The following ENO4 variants were observed in gnomAD, a reference collection of about 807,000 sequenced individuals.
ENO4 encodes enolase 4, also known as 2-phospho-D-glycerate hydro-lyase.
Under a neutral mutation model 63.2 loss-of-function variants are expected in ENO4, and 53 were observed. The observed-to-expected ratio is 0.84, with a 90% CI of 0.67 to 1.05. The LOEUF (loss-of-function observed/expected upper bound fraction) is 1.05, where lower values mean the gene tolerates loss of function less well. Ranked by LOEUF, ENO4 falls within the 50% of genes least tolerant of loss-of-function variation. The pLI, the probability that ENO4 is intolerant of heterozygous loss-of-function variation, is 0.00. For synonymous variants in ENO4, 266 were observed against 283.8 expected (o/e 0.94, Z 0.63); for missense variants, 719 against 772.0 (o/e 0.93, Z 0.81).
At chr10:116,886,684 C>CAT (rs1168585079), downstream of ENO4, 6 of 1,349,896 alleles carry the variant, frequency 4.4e-6, no homozygotes, top group African/African-American at 8.7e-5. Context: ...AATCAACATG[C>CAT]ATATAGTAGT....
At chr10:116,899,530 T>A (rs1302149426) in intron 10 of ENO4, among the ~76,000 whole-genome samples, 3 of 87,036 alleles carry the variant, frequency 3.4e-5, no homozygotes, top group Admixed American at 2.4e-4. Context: ...TGTGTGTGTG[T>A]GTGTGTGTGT....
At chr10:116,876,856 C>A (rs1454388321) in intron 11 of ENO4, among the ~76,000 whole-genome samples, 2 of 152,062 alleles carry the variant, frequency 1.3e-5, no homozygotes, top group Non-Finnish European at 2.9e-5. Context: ...GAGGCTGAGG[C>A]AGGAGAATGG....
chr10:116,862,748 T>G (rs561643090), intron 6 of ENO4, 51 bp from the exon 7 acceptor site: 75 of 1,419,946 alleles, frequency 5.3e-5, no homozygotes, highest in Non-Finnish European at 6.3e-5. Flanking sequence ...GTTTTTATAC[T>G]TAAATTTTCT....
intron 10 of ENO4, among the ~76,000 whole-genome samples, chr10:116,899,428 C>T (rs528460204): frequency 1.3e-5 from 2 of 151,078 alleles, no homozygotes; most frequent in South Asian, 2.1e-4. Flanking sequence ...TACTAGGCAG[C>T]GAAGGGCCTA....
chr10:116,881,076 A>T (rs1846993073), intron 13 of ENO4, among the ~76,000 whole-genome samples: 1 of 152,232 alleles, frequency 6.6e-6, no homozygotes, highest in African/African-American at 2.4e-5. Flanking sequence ...TAGAGTAGGA[A>T]ATCTTGGCAA....
intron 10 of ENO4, among the ~76,000 whole-genome samples, chr10:116,904,221 AC>A (rs1847870656): frequency 6.6e-6 from 1 of 151,788 alleles, no homozygotes; most frequent in Non-Finnish European, 1.5e-5. Context: ...CCAACTCCTC[AC>A]CTCTGTCACC....
chr10:116,900,909 C>A (rs1256934620), intron 10 of ENO4: 1 of 985,390 alleles, frequency 1.0e-6, no homozygotes, highest in Non-Finnish European at 1.2e-6. Flanking sequence ...GAAGAAAATA[C>A]CAGTTGGCAA....
chr10:116,898,647 A>T (rs1314100608), intron 10 of ENO4, among the ~76,000 whole-genome samples: 4 of 152,210 alleles, frequency 2.6e-5, no homozygotes, highest in Non-Finnish European at 5.9e-5. Context: ...AATTAACAGG[A>T]CACATTTTGT....
intron 10 of ENO4, among the ~76,000 whole-genome samples, chr10:116,895,270 T>C (rs1484639825): frequency 6.6e-6 from 1 of 152,196 alleles, no homozygotes; most frequent in Non-Finnish European, 1.5e-5. Flanking sequence ...ATGGTTAAAA[T>C]GTTCAATAAA....
chr10:116,892,829 C>T (rs1042819767), intron 10 of ENO4, among the ~76,000 whole-genome samples: 36 of 152,272 alleles, frequency 2.4e-4, no homozygotes, highest in African/African-American at 8.2e-4. Context: ...AAAACCTCCC[C>T]TCTACTCCAC....
intron 4 of ENO4, 90 bp from the exon 5 acceptor site, chr10:116,860,704 C>T (rs1195351373): frequency 4.0e-6 from 4 of 1,012,088 alleles, no homozygotes; most frequent in Middle Eastern, 3.3e-4. Flanking sequence ...TTCCCAGCCT[C>T]GGCTTTCATC....
intron 4 of ENO4, among the ~76,000 whole-genome samples, 161 bp from the exon 5 acceptor site, chr10:116,860,633 T>C (rs1168749073): frequency 6.6e-6 from 1 of 152,240 alleles, no homozygotes; most frequent in East Asian, 1.9e-4. Context: ...AATGATTATT[T>C]GAGAATCTTA....
At chr10:116,891,941 C>T (rs577420518) in intron 10 of ENO4, among the ~76,000 whole-genome samples, 18 of 152,148 alleles carry the variant, frequency 1.2e-4, no homozygotes, top group African/African-American at 4.8e-5. Context: ...TTTGGGTCCA[C>T]TTCTATTTGT....
chr10:116,874,049 T>C, intron 9 of ENO4, 27 bp from the exon 10 acceptor site: 2 of 1,517,116 alleles, frequency 1.3e-6, no homozygotes, highest in African/African-American at 2.8e-5. Context: ...TTATCCCTTA[T>C]TTTAATATTT....
intron 1 of ENO4, among the ~76,000 whole-genome samples, chr10:116,854,419 C>T (rs1681749): frequency 0.63 from 95,573 of 151,794 alleles, 31,836 homozygotes; most frequent in Middle Eastern, 0.76. Flanking sequence ...AATTAGCCAG[C>T]CGTTTTGGTG....
At chr10:116,885,177 G>A (rs749829443), downstream of ENO4, 4 of 152,542 alleles carry the variant, frequency 2.6e-5, no homozygotes, top group Non-Finnish European at 4.4e-5. Flanking sequence ...TTGCCCTTAG[G>A]TGAAAAACAC....
rs1846420323 is a variant in ENO4, at chr10:116,861,745, G to C, written c.936+555G>C. ...GATGACCAAAGGTTCATGATCTATA[G>C]GAGATGCTTTGTAAAAAAGTACAGA... On this transcript the variant is annotated intron_variant, in intron 6 of 13. Transcript: ENST00000341276. 1.3e-5 allele frequency among the ~76,000 whole-genome samples: 2 copies of C among 152,038 alleles called. 1 individual carries two copies. Among genetic ancestry groups the C allele is most frequent in the South Asian group, 4.1e-4 (2 of 4,820 alleles).
At chr10:116,911,712 A>G (rs1163343528) in exon 11 of ENO4, 2 of 1,582,238 alleles carry the variant, frequency 1.3e-6, no homozygotes, top group Admixed American at 3.4e-5. Flanking sequence ...ACCACAAACA[A>G]TTCACAAAAA....
At chr10:116,906,637 T>G in intron 10 of ENO4, 1 of 1,612,238 alleles carries the variant, frequency 6.2e-7, no homozygotes, top group East Asian at 2.2e-5. Flanking sequence ...TACTGCTATC[T>G]GCTTCTGCTG....
Sources: allele counts gnomAD v4.1 joint callset (sites outside exome capture counted in the v4.1 genomes callset), GRCh38; gene constraint gnomAD v4.1.1; transcripts MANE v1.5; gene names NCBI Gene and HGNC (gene_info 2026-07-23, HGNC 2026-07-21).